Variants in PRKD1 observed in about 807,000 individuals in gnomAD.
PRKD1 encodes the protein serine/threonine-protein kinase D1.
Under a neutral mutation model 95.9 loss-of-function variants are expected in PRKD1, and 63 were observed. That is an observed-to-expected ratio of 0.66 (90% CI 0.54 to 0.81). The LOEUF (loss-of-function observed/expected upper bound fraction) is 0.81, where lower values mean the gene tolerates loss of function less well. Among genes scored for constraint, PRKD1 ranks in the 30% least tolerant of loss-of-function variants. PRKD1 has a pLI of 0.00. For missense variants in PRKD1, 1,048 were observed against 1,165.3 expected, an observed-to-expected ratio of 0.90 and a Z score of 1.47; for synonymous variants, 425 against 423.1, an observed-to-expected ratio of 1.00 and a Z score of -0.05.
intron 14 of PRKD1, 92 bp downstream of exon 14, chr14:29,599,564 G>A: frequency 8.1e-7 from 1 of 1,227,066 alleles, no homozygotes; most frequent in Non-Finnish European, 1.1e-6. Flanking sequence ...TGGAGGTAGG[G>A]ACTAAACAAC....
intron 1 of PRKD1, among the ~76,000 whole-genome samples, chr14:29,903,572 TATCCCCTGAC>T (rs1566663584): frequency 1.3e-5 from 2 of 152,180 alleles, no homozygotes; most frequent in African/African-American, 4.8e-5. Context: ...AAACACATGA[TATCCCCTGAC>T]AGGGAGAGTA....
chr14:29,632,744 A>T (rs78091405), intron 9 of PRKD1, 125 bp downstream of exon 9: 1 of 808,880 alleles, frequency 1.2e-6, no homozygotes, highest in African/African-American at 1.7e-5. Flanking sequence ...GAAAAAAAAA[A>T]TAGTTCCTGG....
chr14:29,770,277 C>A (rs1006448647), intron 1 of PRKD1, among the ~76,000 whole-genome samples: 1 of 152,172 alleles, frequency 6.6e-6, no homozygotes, highest in African/African-American at 2.4e-5. Context: ...GTGTTGCTAT[C>A]ACAAATACCT....
chr14:29,739,719 T>C (rs1886899435), intron 1 of PRKD1, among the ~76,000 whole-genome samples: 1 of 152,188 alleles, frequency 6.6e-6, no homozygotes, highest in Admixed American at 6.5e-5. Context: ...TCCTTGGGCA[T>C]ATAAATATAT....
At chr14:29,700,980 G>GCGCGGGCGCACACACACACA (rs1476356879) in intron 2 of PRKD1, among the ~76,000 whole-genome samples, 5 of 33,996 alleles carry the variant, frequency 1.5e-4, no homozygotes, top group African/African-American at 4.9e-4. Context: ...GCGCATGCGC[G>GCGCGGGCGCACACACACACA]CGCGCGCGCA....
chr14:29,867,616 C>G lies in PRKD1; in HGVS notation c.264+59633G>C, dbSNP rs1367986040. Among the ~76,000 whole-genome samples the G allele has an allele frequency of 2.0e-5, 3 of 152,274 alleles. No individual in the cohort carries two copies. In the East Asian group the frequency reaches 5.8e-4, roughly 29 times the overall value. The stretch of plus-strand genomic sequence containing the variant: ...ATTTAGGAAAATGGTAATGGGACTT[C>G]CTTGAAAAGTTTTAAGCAGGACGGT... On this transcript the variant is annotated intron_variant, in intron 1 of 17. Transcript: ENST00000331968.
rs537554301 is a variant in PRKD1, at chr14:29,927,310, G to A, written c.203C>T (p.Ser68Leu). 129 of 1,555,452 alleles carry A rather than the reference G, an allele frequency of 8.3e-5. 3 individuals are homozygous for A. The Middle Eastern group carries it at 1.0e-3, about 12-fold the overall frequency. ...SREPVLLLQDSSGDYSLAHVR... is the reference protein window; with the variant it reads ...SREPVLLLQDLSGDYSLAHVR... ...GTGCGCCAGGCTGTAGTCCCCGGAC[G>A]AGTCCTGCAGCAGCAGCACCGGCTC... Residue 68 changes from serine (S) to leucine (L), a missense_variant, in exon 1 of 18, where the codon TCG becomes TTG. Coordinates refer to ENST00000331968, the MANE Select transcript of PRKD1 (RefSeq NM_002742.3).
rs181549103 is a variant in PRKD1, at chr14:29,764,109, T to C, written c.265-38435A>G. On this transcript the variant is annotated intron_variant, in intron 1 of 17. Coordinates refer to ENST00000331968, the MANE Select transcript of PRKD1 (RefSeq NM_002742.3). ...TCACCTGGGGAGAATTTTAAAAGCA[T>C]ACGGGTCTTATCCTAGAGATAGACT... Among the ~76,000 whole-genome samples the C allele has an allele frequency of 1.4e-4, 21 of 152,200 alleles. 1 individual carries two copies. The highest frequency in any genetic ancestry group is 1.0e-3 in the Admixed American group (16 of 15,292).
chr14:29,757,284 A>T (rs1032203371), intron 1 of PRKD1, among the ~76,000 whole-genome samples: 1 of 152,118 alleles, frequency 6.6e-6, no homozygotes, highest in Non-Finnish European at 1.5e-5. Flanking sequence ...GATGAAAGTT[A>T]TTTCCTGCTT....
At chr14:29,666,327 G>A in intron 2 of PRKD1, 119 bp from the exon 3 acceptor site, 1 of 1,086,858 alleles carries the variant, frequency 9.2e-7, no homozygotes. Flanking sequence ...AGTTAGGGAA[G>A]ATAAGATGCA....
At position 29,601,174 on chromosome 14, in the gene PRKD1, A is replaced by T. The variant is rs540835276; in HGVS notation, c.1906-1357T>A. Among the ~76,000 whole-genome samples the T allele has an allele frequency of 7.9e-5, 12 of 152,340 alleles. No homozygotes were observed. The East Asian group carries it at 2.3e-3, about 29-fold the overall frequency. On this transcript the variant is annotated intron_variant, in intron 13 of 17. Transcript: ENST00000331968. ...AGATGGATGCTGGGTGGTGAGCAGC[A>T]GAAGGGGTTGTGGGTGAGTCTACAT...
At chr14:29,674,276 T>C (rs1883030564) in intron 2 of PRKD1, among the ~76,000 whole-genome samples, 2 of 152,182 alleles carry the variant, frequency 1.3e-5, no homozygotes, top group South Asian at 4.1e-4. Flanking sequence ...TTCTACTACC[T>C]TATAAAGCCT....
chr14:29,796,713 C>A (rs2139207315), intron 1 of PRKD1, among the ~76,000 whole-genome samples: 1 of 152,210 alleles, frequency 6.6e-6, no homozygotes, highest in Non-Finnish European at 1.5e-5. Context: ...CAAACACTAA[C>A]CTACTGATAT....
intron 1 of PRKD1, among the ~76,000 whole-genome samples, chr14:29,866,816 T>C (rs896135620): frequency 2.0e-5 from 3 of 152,206 alleles, no homozygotes; most frequent in African/African-American, 7.2e-5. Flanking sequence ...GTTAGAATGA[T>C]AAAAGTATTG....
intron 2 of PRKD1, among the ~76,000 whole-genome samples, chr14:29,700,918 G>A (rs536791280): frequency 7.5e-6 from 1 of 134,048 alleles, no homozygotes; most frequent in East Asian, 2.1e-4. Context: ...AATTCCCCTC[G>A]CTCTCTCGCT....
chr14:29,629,632 G>A (rs1166028753), intron 10 of PRKD1, among the ~76,000 whole-genome samples: 2 of 152,092 alleles, frequency 1.3e-5, no homozygotes, highest in Non-Finnish European at 2.9e-5. Flanking sequence ...TTCATTATGA[G>A]TAACTATTAT....
intron 1 of PRKD1, among the ~76,000 whole-genome samples, chr14:29,829,627 C>T (rs767078357): frequency 2.6e-5 from 4 of 152,028 alleles, no homozygotes; most frequent in Admixed American, 6.6e-5. Context: ...TAAATAATTA[C>T]CCTTAGGCAG....
intron 2 of PRKD1, among the ~76,000 whole-genome samples, chr14:29,707,948 A>G (rs976687476): frequency 2.0e-5 from 3 of 152,156 alleles, no homozygotes; most frequent in Non-Finnish European, 4.4e-5. Flanking sequence ...CTAATGACAT[A>G]TCAATCTTCA....
Position 29,660,689 on chromosome 14 carries a change from A to G in PRKD1, c.696+3010T>C, listed in dbSNP as rs367800521. Among the ~76,000 whole-genome samples, 4 of 152,256 alleles carry G rather than the reference A, an allele frequency of 2.6e-5. No homozygotes were observed. In the South Asian group the frequency reaches 8.3e-4, roughly 32 times the overall value. ...CCTGGTGTGGGTTCAATTGGCTTTG[A>G]CTTTTCCCAAATACCACAAGAACAC... On this transcript the variant is annotated intron_variant, in intron 4 of 17. Coordinates refer to ENST00000331968, the MANE Select transcript of PRKD1 (RefSeq NM_002742.3).
Sources: allele counts gnomAD v4.1 joint callset (sites outside exome capture counted in the v4.1 genomes callset), GRCh38; gene constraint gnomAD v4.1.1; transcripts MANE v1.5; gene names NCBI Gene and HGNC (gene_info 2026-07-23, HGNC 2026-07-21).